The following ASCL5 variants were observed in gnomAD, a reference collection of about 807,000 sequenced individuals.
ASCL5 encodes achaete-scute family bHLH transcription factor 5, also known as achaete-scute homolog 5.
For missense variants in ASCL5, 262 were observed against 268.9 expected, an observed-to-expected ratio of 0.97 and a Z score of 0.18; for synonymous variants, 124 against 131.5, an observed-to-expected ratio of 0.94 and a Z score of 0.39.
At chr1:201,118,135 T>G (rs1477904330) in intron 1 of ASCL5, among the ~76,000 whole-genome samples, 3 of 152,220 alleles carry the variant, frequency 2.0e-5, no homozygotes, top group Admixed American at 1.3e-4. Flanking sequence ...AACAAGAAAC[T>G]TCACAGCAGG....
rs1357935528 is a variant in ASCL5 at position 201,114,894 on chromosome 1, C to A, written c.479G>T (p.Cys160Phe). Residue 160 changes from cysteine (C) to phenylalanine (F), a missense_variant, in exon 2 of 2, where the codon TGC becomes TTC. Transcript: ENST00000449188. The part of the protein sequence containing the change: ...ASRGLPGTGP[C>F]PAPPATPRPD... ...ACGGGGGGTGGCGGGCGGCGCGGGGCAGGGCCCGGTGCCCGGGAGGCCGCG... is the reference window on the plus strand; with the variant it reads ...ACGGGGGGTGGCGGGCGGCGCGGGGAAGGGCCCGGTGCCCGGGAGGCCGCG... 8.1e-7 allele frequency: 1 copy of A among 1,229,482 alleles called. No homozygotes were observed. Among genetic ancestry groups the A allele is most frequent in the Non-Finnish European group, 1.0e-6 (1 of 986,600 alleles). The allele number at this position is 1,229,482 out of a possible 1,614,324, so 76.2% of individuals were successfully genotyped here.
chr1:201,122,198 C>T (rs1238334411), intron 1 of ASCL5, among the ~76,000 whole-genome samples: 1 of 152,210 alleles, frequency 6.6e-6, no homozygotes, highest in Non-Finnish European at 1.5e-5. Context: ...GCCCCAGAGC[C>T]TGCTTAGCCC....
At position 201,114,751 on chromosome 1, in the gene ASCL5, A is replaced by G. The variant is rs549280896; in HGVS notation, c.*1T>C. 4.9e-6 allele frequency: 6 copies of G among 1,230,974 alleles called. No individual in the cohort carries two copies. In the African/African-American group the frequency reaches 6.2e-5, roughly 13 times the overall value. 76.3% of individuals were successfully genotyped at this position (1,230,974 alleles called of 1,614,324 possible). On this transcript the variant is annotated 3_prime_UTR_variant, in exon 2 of 2. Coordinates refer to ENST00000449188, the MANE Select transcript of ASCL5 (RefSeq NM_001270601.2). ...CAAGCCGGGGGCGGCCACAGGCCCG[A>G]TCAATGCCAGGATTCCTCCGACTCC...
At chr1:201,123,346 C>A (rs924648396) in intron 1 of ASCL5, among the ~76,000 whole-genome samples, 1 of 152,168 alleles carries the variant, frequency 6.6e-6, no homozygotes, top group African/African-American at 2.4e-5. Context: ...GGGCTGGGGA[C>A]CCAGCAGAGG....
intron 1 of ASCL5, among the ~76,000 whole-genome samples, chr1:201,124,930 C>T (rs1417827111): frequency 6.6e-6 from 1 of 152,150 alleles, no homozygotes; most frequent in Non-Finnish European, 1.5e-5. Flanking sequence ...TGGCTGAGGC[C>T]CTCGCAGCTC....
chr1:201,125,286 C>A (rs1663558651), intron 1 of ASCL5, among the ~76,000 whole-genome samples: 1 of 152,218 alleles, frequency 6.6e-6, no homozygotes, highest in South Asian at 2.1e-4. Context: ...CCAGGCCCGG[C>A]ATCTAGGTTC....
intron 1 of ASCL5, among the ~76,000 whole-genome samples, chr1:201,121,257 T>G (rs895561496): frequency 6.6e-6 from 1 of 152,226 alleles, no homozygotes; most frequent in African/African-American, 2.4e-5. Flanking sequence ...TAACATCAAA[T>G]AGAATACACT....
intron 1 of ASCL5, among the ~76,000 whole-genome samples, chr1:201,124,819 CA>C (rs1260207109): frequency 6.6e-6 from 1 of 152,200 alleles, no homozygotes; most frequent in Non-Finnish European, 1.5e-5. Flanking sequence ...CTGCAGCCCC[CA>C]CTCCACAGGA....
At chr1:201,124,966 A>G (rs910365643) in intron 1 of ASCL5, among the ~76,000 whole-genome samples, 9 of 152,108 alleles carry the variant, frequency 5.9e-5, no homozygotes. Context: ...TGTCACTGGG[A>G]TTCTCCAACC....
Position 201,114,048 on chromosome 1 carries a change from G to A in ASCL5, c.*704C>T, listed in dbSNP as rs1246369037. On this transcript the variant is annotated 3_prime_UTR_variant, in exon 2 of 2. Transcript: ENST00000449188. Reference sequence around the variant, plus strand: ...CCTCCCCCAAGGCTTACAGTCTGAGGGAAAAAAACCACAGTCCCCACCCAA... The same window carrying A: ...CCTCCCCCAAGGCTTACAGTCTGAGAGAAAAAAACCACAGTCCCCACCCAA... The A allele has an allele frequency of 6.6e-6, 1 of 152,066 alleles. No individual in the cohort carries two copies. The highest frequency in any genetic ancestry group is 2.4e-5 in the African/African-American group (1 of 41,392). 9.4% of individuals were successfully genotyped at this position (152,066 alleles called of 1,614,324 possible). A position where few individuals can be genotyped will look rare whatever the true frequency, so the allele number is the denominator to read the frequency against.
In ASCL5 at chr1:201,116,212, G is replaced by C. The variant is rs112085020; in HGVS notation, c.-505-335C>G. The stretch of plus-strand genomic sequence containing the variant: ...TGCCCAGTTTTGTCATGTCCCTTGA[G>C]ACTGGGGGATTAAGTCTCATCACTG... On this transcript the variant is annotated intron_variant, in intron 1 of 1. Transcript: ENST00000449188. Among the ~76,000 whole-genome samples the C allele has an allele frequency of 2.3e-3, 343 of 152,340 alleles. 2 individuals carry two copies. The highest frequency in any genetic ancestry group is 3.2e-3 in the Non-Finnish European group (218 of 68,038).
Position 201,114,652 on chromosome 1 carries a change from C to G in ASCL5, c.*100G>C, listed in dbSNP as rs913641046. 7.5e-6 allele frequency: 8 copies of G among 1,067,944 alleles called. No individual in the cohort carries two copies. The highest frequency in any genetic ancestry group is 3.3e-5 in the African/African-American group (2 of 60,862). 66.2% of individuals were successfully genotyped at this position (1,067,944 alleles called of 1,614,324 possible). On this transcript the variant is annotated 3_prime_UTR_variant, in exon 2 of 2. Coordinates refer to ENST00000449188, the MANE Select transcript of ASCL5 (RefSeq NM_001270601.2). ...CCGCGGACCTCCTACAGTCACCGTC[C>G]TGCGGCGCATCGCGGGTGACCCAAC...
intron 1 of ASCL5, among the ~76,000 whole-genome samples, chr1:201,118,842 G>A (rs1663399063): frequency 6.6e-6 from 1 of 152,188 alleles, no homozygotes; most frequent in African/African-American, 2.4e-5. Flanking sequence ...AGAGGTAGGT[G>A]CTAATATTGT....
chr1:201,116,973 G>T (rs1048084571), intron 1 of ASCL5, among the ~76,000 whole-genome samples: 1 of 152,150 alleles, frequency 6.6e-6, no homozygotes, highest in African/African-American at 2.4e-5. Context: ...ACAGGAGGAG[G>T]TGGTGGCAAA....
chr1:201,121,822 CT>C (rs1663468705), intron 1 of ASCL5, among the ~76,000 whole-genome samples: 2 of 149,072 alleles, frequency 1.3e-5, no homozygotes, highest in Admixed American at 6.6e-5. Flanking sequence ...GACTCAGACC[CT>C]GTCTCAAAAA....
chr1:201,116,149 T>A (rs1381843224), intron 1 of ASCL5, among the ~76,000 whole-genome samples: 1 of 152,126 alleles, frequency 6.6e-6, no homozygotes, highest in African/African-American at 2.4e-5. Flanking sequence ...AAAAAATATA[T>A]GCAAAAAACA....
intron 1 of ASCL5, among the ~76,000 whole-genome samples, chr1:201,119,474 C>T (rs189767971): frequency 2.0e-5 from 3 of 152,096 alleles, no homozygotes; most frequent in Admixed American, 1.3e-4. Flanking sequence ...CCCGACCCCA[C>T]GGGTGTCGAA....
chr1:201,116,014 C>T (rs1663340159), intron 1 of ASCL5, 137 bp from the exon 2 acceptor site: 1 of 152,218 alleles, frequency 6.6e-6, no homozygotes, highest in South Asian at 2.1e-4. Context: ...GGGCACAGAT[C>T]TGGGTTAAAA....
At chr1:201,124,706 G>A (rs577338963) in intron 1 of ASCL5, among the ~76,000 whole-genome samples, 33 of 152,326 alleles carry the variant, frequency 2.2e-4, no homozygotes, top group African/African-American at 5.3e-4. Flanking sequence ...GACGGTGCCC[G>A]TAATGAGGGA....
Sources: gnomAD v4.1 joint callset for allele counts (sites outside exome capture counted in the v4.1 genomes callset) on GRCh38, gnomAD v4.1.1 for gene constraint, MANE v1.5 for transcripts, NCBI Gene and HGNC (gene_info 2026-07-23, HGNC 2026-07-21) for gene names.